DARS1: variants seen among roughly 807,000 people sequenced by gnomAD.
The protein encoded by DARS1 is aspartyl-tRNA synthetase 1.
A neutral mutation model predicts 68.8 loss-of-function variants in DARS1; 51 were observed. That is an observed-to-expected ratio of 0.74 (90% CI 0.59 to 0.94). The LOEUF is 0.94. DARS1 is among the 40% of genes least tolerant of loss of function. The pLI is 0.00. For synonymous variants in DARS1, 203 were observed against 190.4 expected, an observed-to-expected ratio of 1.07 and a Z score of -0.55; for missense variants, 607 against 597.3, an observed-to-expected ratio of 1.02 and a Z score of -0.17.
intron 3 of DARS1, among the ~76,000 whole-genome samples, chr2:135,971,302 ATGTAATACAT>A (rs1282038189): frequency 6.6e-6 from 1 of 152,216 alleles, no homozygotes; most frequent in African/African-American, 2.4e-5. Context: ...AAATCAATCA[ATGTAATACAT>A]TGTATCAACA....
At chr2:135,958,591 C>T (rs149290790) in intron 4 of DARS1, among the ~76,000 whole-genome samples, 1 of 152,296 alleles carries the variant, frequency 6.6e-6, no homozygotes, top group East Asian at 1.9e-4. Flanking sequence ...ACAGAAAGGA[C>T]AAACTGACTG....
intron 4 of DARS1, among the ~76,000 whole-genome samples, chr2:135,958,358 G>A (rs1279006217): frequency 6.6e-6 from 1 of 152,112 alleles, no homozygotes; most frequent in Non-Finnish European, 1.5e-5. Flanking sequence ...ATGTATGAAA[G>A]CTACCTTAAT....
intron 5 of DARS1, among the ~76,000 whole-genome samples, chr2:135,941,636 A>C (rs932330417): frequency 2.1e-4 from 31 of 150,370 alleles, no homozygotes; most frequent in African/African-American, 7.6e-4. Context: ...AAGCAATGGC[A>C]ACAAAAGCCA....
At chr2:135,953,909 T>TTTTA (rs201331290) in intron 4 of DARS1, among the ~76,000 whole-genome samples, 5 of 151,654 alleles carry the variant, frequency 3.3e-5, no homozygotes, top group African/African-American at 1.2e-4. Context: ...TATTTTTAAT[T>TTTTA]TTTATTTATT....
In DARS1 at chr2:135,961,629, TAC is replaced by T. The variant is rs141704914; in HGVS notation, c.218-133_218-132del. The T allele has an allele frequency of 2.2e-4, 126 of 573,188 alleles. No individual in the cohort carries two copies. The African/African-American group carries it at 2.2e-3, about 10-fold the overall frequency. The allele number at this position is 573,188 out of a possible 1,614,324, so 35.5% of individuals were successfully genotyped here. A position where few individuals can be genotyped will look rare whatever the true frequency, so the allele number is the denominator to read the frequency against. The stretch of plus-strand genomic sequence containing the variant: ...CTCATCAGGCACGCATGCATGTGTA[TAC>T]TATCCATTTGGCTTCCACAGACAAA... On this transcript the variant is annotated intron_variant, in intron 3 of 15. Coordinates refer to ENST00000264161, the MANE Select transcript of DARS1 (RefSeq NM_001349.4).
chr2:135,945,982 A>C (rs1256710236), intron 4 of DARS1, among the ~76,000 whole-genome samples: 1 of 152,196 alleles, frequency 6.6e-6, no homozygotes, highest in Non-Finnish European at 1.5e-5. Flanking sequence ...TATTATCTCT[A>C]TACAGCTACA....
In DARS1 at chr2:135,979,288, G is replaced by T. The variant is rs1486769793; in HGVS notation, c.203C>A (p.Thr68Lys). The T allele has an allele frequency of 1.4e-6, 2 of 1,405,188 alleles. No individual in the cohort carries two copies. The highest frequency in any genetic ancestry group is 2.8e-5 in the African/African-American group (2 of 70,910). The allele number at this position is 1,405,188 out of a possible 1,614,324, so 87.0% of individuals were successfully genotyped here. ...ACCAATCCTACCTTTAGCTCTGCTT[G>T]TATGAACTCTTGCACGTACCCAAAC... The part of the protein sequence containing the change: ...EVVWVRARVH[T>K]SRAKGKQCFL... The change falls in exon 3 of 16, where the codon ACA (threonine) becomes AAA (lysine). Residue 68 changes from threonine (T) to lysine (K), a missense_variant. Thr to Lys is a moderately conservative substitution (Grantham distance 78). Coordinates refer to ENST00000264161, the MANE Select transcript of DARS1 (RefSeq NM_001349.4).
chr2:135,914,564 C>T, intron 11 of DARS1, 53 bp from the exon 12 acceptor site: 1 of 952,520 alleles, frequency 1.0e-6, no homozygotes, highest in South Asian at 1.3e-5. Context: ...AACTTAAAAA[C>T]ATTAATAAGG....
Position 135,920,523 on chromosome 2 carries a change from A to G in DARS1, c.889T>C (p.Tyr297His), listed in dbSNP as rs779769959. ...VGLDIEMAFN[Y>H]HYHEVMEEIA... The stretch of plus-strand genomic sequence containing the variant: ...TCTTCCATAACTTCGTGGTAATGGT[A>G]ATTAAAAGCCATTTCAATGTCCAAA... The change falls in exon 10 of 16, where the codon TAC becomes CAC. Residue 297 changes from tyrosine to histidine, a missense_variant. Coordinates refer to ENST00000264161, the MANE Select transcript of DARS1 (RefSeq NM_001349.4). The G allele has an allele frequency of 2.5e-6, 4 of 1,613,778 alleles. 1 individual carries two copies. Among genetic ancestry groups the G allele is most frequent in the South Asian group, 2.2e-5 (2 of 91,066 alleles).
At chr2:135,957,250 C>T (rs1369384508) in intron 4 of DARS1, among the ~76,000 whole-genome samples, 8 of 148,764 alleles carry the variant, frequency 5.4e-5, no homozygotes, top group African/African-American at 7.5e-5. Flanking sequence ...TTTTTTGAGA[C>T]GGAGTCTCGC....
intron 13 of DARS1, 63 bp from the exon 14 acceptor site, chr2:135,911,556 G>GA (rs1680896876): frequency 1.4e-6 from 1 of 724,724 alleles, no homozygotes; most frequent in Non-Finnish European, 2.4e-6. Context: ...CATATATACG[G>GA]AAAAAAATCT....
chr2:135,932,804 G>T lies in DARS1; in HGVS notation c.543C>A (p.Asp181Glu). The stretch of plus-strand genomic sequence containing the variant: ...ATACCCTAAGATCAATGACTCTGTT[G>T]TCTAATCTTGTATCCTGGTTAACAG... Reference protein sequence around the residue: ...RATVNQDTRLDNRVIDLRTST... With the variant: ...RATVNQDTRLENRVIDLRTST... The change falls in exon 7 of 16, where the codon GAC (aspartate) becomes GAA (glutamate). Residue 181 changes from aspartate to glutamate, a missense_variant. Physicochemically the swap from Asp to Glu is conservative, Grantham distance 45 (BLOSUM62 2). Transcript: ENST00000264161. The T allele has an allele frequency of 2.3e-6, 3 of 1,320,642 alleles. No homozygotes were observed. The highest frequency in any genetic ancestry group is 2.3e-5 in the East Asian group (1 of 43,156). 81.8% of individuals were successfully genotyped at this position (1,320,642 alleles called of 1,614,324 possible).
intron 3 of DARS1, among the ~76,000 whole-genome samples, chr2:135,977,824 A>C (rs141151356): frequency 7.0e-4 from 107 of 152,294 alleles, no homozygotes; most frequent in African/African-American, 2.5e-3. Context: ...ATTCTACAAT[A>C]AAAAAATTAT....
At chr2:135,977,285 CGTAGA>C (rs547439023) in intron 3 of DARS1, among the ~76,000 whole-genome samples, 48 of 152,268 alleles carry the variant, frequency 3.2e-4, no homozygotes, top group Middle Eastern at 3.4e-3. Flanking sequence ...ATGCAATTTG[CGTAGA>C]GTAAACAGAT....
intron 3 of DARS1, among the ~76,000 whole-genome samples, chr2:135,977,218 A>G (rs1270542120): frequency 1.3e-5 from 2 of 152,228 alleles, no homozygotes; most frequent in East Asian, 1.9e-4. Context: ...AACATCTTAT[A>G]AGCTAGGTAT....
In DARS1 at chr2:135,973,809, T is replaced by C. The variant is rs1450997761; in HGVS notation, c.217+5465A>G. On this transcript the variant is annotated intron_variant, in intron 3 of 15. Coordinates refer to ENST00000264161, the MANE Select transcript of DARS1 (RefSeq NM_001349.4). ...TTGAGCCTAGGAGCCACAGGTGCAGTGAGTTGAGATCACACGGCTGCACGC... is the reference window on the plus strand; with the variant it reads ...TTGAGCCTAGGAGCCACAGGTGCAGCGAGTTGAGATCACACGGCTGCACGC... 2.6e-5 allele frequency among the ~76,000 whole-genome samples: 4 copies of C among 152,188 alleles called. No individual in the cohort carries two copies. The East Asian group carries it at 7.7e-4, about 29-fold the overall frequency.
intron 10 of DARS1, among the ~76,000 whole-genome samples, chr2:135,918,597 G>T (rs905070025): frequency 6.6e-6 from 1 of 152,138 alleles, no homozygotes; most frequent in African/African-American, 2.4e-5. Flanking sequence ...CAGTAATGGC[G>T]TTTGAGTCTA....
intron 7 of DARS1, among the ~76,000 whole-genome samples, chr2:135,931,481 T>C (rs956306536): frequency 6.6e-6 from 1 of 152,152 alleles, no homozygotes; most frequent in African/African-American, 2.4e-5. Context: ...CAAGCATTCT[T>C]CCCACCTCAG....
rs557368622 is a variant in DARS1 at position 135,933,932 on chromosome 2, C to T, written c.482G>A (p.Arg161Gln). The T allele has an allele frequency of 2.1e-5, 34 of 1,613,444 alleles. No homozygotes were observed. Among genetic ancestry groups the T allele is most frequent in the African/African-American group, 1.1e-4 (8 of 75,034 alleles). ...TACCTCTTCTCCTTCTGCCTCAGGC[C>T]GAACAGCATCATCCAGCTGCAGGGG... is the stretch of plus-strand genomic sequence containing the variant. The part of the protein sequence containing the change: ...RLPLQLDDAV[R>Q]PEAEGEEEGR... The change falls in exon 6 of 16, where the codon CGG becomes CAG. Residue 161 changes from arginine (R) to glutamine (Q), a missense_variant. Coordinates refer to ENST00000264161, the MANE Select transcript of DARS1 (RefSeq NM_001349.4).
Sources: allele counts gnomAD v4.1 joint callset (sites outside exome capture counted in the v4.1 genomes callset), GRCh38; gene constraint gnomAD v4.1.1; transcripts MANE v1.5; gene names NCBI Gene and HGNC (gene_info 2026-07-23, HGNC 2026-07-21).